Variants in ADGRV1 observed in about 807,000 individuals in gnomAD.
The protein encoded by ADGRV1 is G-protein coupled receptor 98.
A neutral mutation model predicts 596.2 loss-of-function variants in ADGRV1; 359 were observed. That is an observed-to-expected ratio of 0.60 (90% confidence interval 0.55 to 0.66). The LOEUF (loss-of-function observed/expected upper bound fraction) is 0.66, where lower values mean the gene tolerates loss of function less well. ADGRV1 is among the 30% of genes least tolerant of loss of function. The pLI is 0.00. For synonymous variants in ADGRV1, 2,681 were observed against 2,679.2 expected, an observed-to-expected ratio of 1.00 and a Z score of -0.02; for missense variants, 7,274 against 7,575.6, an observed-to-expected ratio of 0.96 and a Z score of 1.48.
chr5:90,925,094 G>A (rs957779106), intron 83 of ADGRV1, among the ~76,000 whole-genome samples: 1 of 152,152 alleles, frequency 6.6e-6, no homozygotes, highest in African/African-American at 2.4e-5. Flanking sequence ...TTTTGGCTTA[G>A]GATTGCCTTG....
chr5:90,819,775 G>A (rs1164675863), intron 75 of ADGRV1, among the ~76,000 whole-genome samples: 3 of 152,160 alleles, frequency 2.0e-5, no homozygotes, highest in South Asian at 2.1e-4. Flanking sequence ...ACTGTGGTCT[G>A]AGAGATAGTT....
At chr5:91,047,032 A>G (rs968887988) in intron 85 of ADGRV1, among the ~76,000 whole-genome samples, 7 of 152,142 alleles carry the variant, frequency 4.6e-5, no homozygotes, top group African/African-American at 1.7e-4. Flanking sequence ...ACCGGCGTGG[A>G]TGCAGTGAAC....
chr5:90,798,118 AAATC>A (rs769612817), intron 70 of ADGRV1, among the ~76,000 whole-genome samples: 23 of 152,348 alleles, frequency 1.5e-4, no homozygotes, highest in South Asian at 8.3e-4. Context: ...ATGCTTCAAA[AAATC>A]AATCAATCCA....
In ADGRV1 at chr5:90,626,390, T is replaced by C. The variant is rs143809172; in HGVS notation, c.673-821T>C. ...ATTTGGGGAGATGATTAATTATACA[T>C]TTTGATTGTAAATTTGAAAGATCAA... On this transcript the variant is annotated intron_variant, in intron 6 of 89. Transcript: ENST00000405460. 4.9e-4 allele frequency: 75 copies of C among 152,310 alleles called. No individual in the cohort carries two copies. In the East Asian group the frequency reaches 0.011, roughly 22 times the overall value. The allele number at this position is 152,310 out of a possible 1,614,324, so 9.4% of individuals were successfully genotyped here. A position where few individuals can be genotyped will look rare whatever the true frequency, so the allele number is the denominator to read the frequency against.
intron 1 of ADGRV1, among the ~76,000 whole-genome samples, chr5:90,569,507 C>T (rs1756247805): frequency 7.1e-6 from 1 of 141,006 alleles, no homozygotes; most frequent in South Asian, 2.5e-4. Context: ...CCAATTCATT[C>T]TAATGACTTC....
chr5:91,014,136 C>CACACACACACACACACACACA lies in ADGRV1; in HGVS notation c.18152+28614_18152+28615insACACACACACACACACACACA, dbSNP rs1782962720. ...TCATAGGCAATCCCATTCACAATTG[C>CACACACACACACACACACACA]CACACACACACACACACACACACAC... On this transcript the variant is annotated intron_variant, in intron 85 of 89. Transcript: ENST00000405460. Among the ~76,000 whole-genome samples the CACACACACACACACACACACA allele has an allele frequency of 4.0e-3, 144 of 35,682 alleles. 1 individual carries two copies. Among genetic ancestry groups the CACACACACACACACACACACA allele is most frequent in the African/African-American group, 0.012 (135 of 11,358 alleles). The allele number at this position is 35,682 out of a possible 152,430, so 23.4% of individuals were successfully genotyped here.
At chr5:90,732,588 G>C (rs2460177) in intron 50 of ADGRV1, among the ~76,000 whole-genome samples, 116,820 of 152,100 alleles carry the variant, frequency 0.77, 45,585 homozygotes, top group African/African-American at 0.9. Context: ...AAAGTTGGTA[G>C]TCTTTAATCA....
intron 21 of ADGRV1, among the ~76,000 whole-genome samples, chr5:90,666,227 C>T (rs1771350097): frequency 6.6e-6 from 1 of 151,644 alleles, no homozygotes; most frequent in Non-Finnish European, 1.5e-5. Context: ...TAAAGTCTCC[C>T]ATTATTAATG....
intron 83 of ADGRV1, among the ~76,000 whole-genome samples, chr5:90,916,834 G>T (rs1398488397): frequency 6.6e-6 from 1 of 151,228 alleles, no homozygotes; most frequent in Non-Finnish European, 1.5e-5. Context: ...GGGTTTCACC[G>T]TTTTAGCCAG....
chr5:91,037,020 T>C (rs958264226), intron 85 of ADGRV1, among the ~76,000 whole-genome samples: 8 of 152,198 alleles, frequency 5.3e-5, no homozygotes, highest in Admixed American at 3.9e-4. Flanking sequence ...CTGACAGATA[T>C]GAACATTCTG....
At position 90,666,083 on chromosome 5, in the gene ADGRV1, A is replaced by G. The variant is rs1224924368; in HGVS notation, c.4753-6463A>G. On this transcript the variant is annotated intron_variant, in intron 21 of 89. Coordinates refer to ENST00000405460, the MANE Select transcript of ADGRV1 (RefSeq NM_032119.4). ...TGTGGTGTGGTGCTGAAAAAAATGT[A>G]TATTCTGTTGATTTGGGGTGGAGAG... Among the ~76,000 whole-genome samples the G allele has an allele frequency of 2.6e-5, 4 of 151,606 alleles. No homozygotes were observed. The South Asian group carries it at 6.3e-4, about 24-fold the overall frequency.
chr5:91,097,550 AT>A (rs1481070249), intron 86 of ADGRV1, among the ~76,000 whole-genome samples: 1 of 152,206 alleles, frequency 6.6e-6, no homozygotes, highest in Non-Finnish European at 1.5e-5. Flanking sequence ...GCAAATATCC[AT>A]TTGAGTACCT....
At chr5:90,953,365 A>C (rs1777207839) in intron 83 of ADGRV1, among the ~76,000 whole-genome samples, 1 of 152,170 alleles carries the variant, frequency 6.6e-6, no homozygotes, top group African/African-American at 2.4e-5. Context: ...ACCACACTGT[A>C]AGAATACAAT....
At chr5:90,599,577 T>C (rs911132791) in intron 1 of ADGRV1, among the ~76,000 whole-genome samples, 3 of 152,234 alleles carry the variant, frequency 2.0e-5, no homozygotes, top group Non-Finnish European at 4.4e-5. Flanking sequence ...TCAAGCATTA[T>C]AGAAAGTCAT....
intron 50 of ADGRV1, among the ~76,000 whole-genome samples, chr5:90,733,339 A>T (rs1752793567): frequency 6.6e-6 from 1 of 152,174 alleles, no homozygotes; most frequent in Non-Finnish European, 1.5e-5. Flanking sequence ...GATAATATAG[A>T]AGCATGTGTA....
intron 87 of ADGRV1, among the ~76,000 whole-genome samples, chr5:91,122,173 A>AG (rs1236767036): frequency 2.0e-5 from 3 of 152,350 alleles, no homozygotes; most frequent in African/African-American, 7.2e-5. Context: ...ATTCAACAGC[A>AG]AAAGTTGTTT....
chr5:91,158,933 G>A (rs1796715140), intron 89 of ADGRV1, among the ~76,000 whole-genome samples: 2 of 152,008 alleles, frequency 1.3e-5, no homozygotes, highest in Admixed American at 1.3e-4. Flanking sequence ...GAGTGACTAG[G>A]CCTTTCAATA....
chr5:91,122,770 A>G (rs934737600), intron 87 of ADGRV1, among the ~76,000 whole-genome samples: 3 of 152,242 alleles, frequency 2.0e-5, no homozygotes, highest in South Asian at 2.1e-4. Context: ...TCTGCACCCA[A>G]CTGCCAATGT....
intron 38 of ADGRV1, 150 bp downstream of exon 38, chr5:90,706,544 C>T (rs544204326): frequency 1.1e-5 from 7 of 611,670 alleles, no homozygotes; most frequent in South Asian, 6.9e-5. Flanking sequence ...CCCATTAACT[C>T]GATAACTCAT....
Sources: gnomAD v4.1 joint callset for allele counts (sites outside exome capture counted in the v4.1 genomes callset) on GRCh38, gnomAD v4.1.1 for gene constraint, MANE v1.5 for transcripts, NCBI Gene and HGNC (gene_info 2026-07-23, HGNC 2026-07-21) for gene names.